Variants in VPS13D observed in about 807,000 individuals in gnomAD.
The protein encoded by VPS13D is intermembrane lipid transfer protein VPS13D.
In VPS13D, 187 loss-of-function variants were observed where a neutral mutation model predicts 461.9. The observed-to-expected ratio is 0.40, with a 90% confidence interval of 0.36 to 0.46. The LOEUF is 0.46. Ranked by LOEUF, VPS13D falls within the 20% of genes least tolerant of loss-of-function variation. The pLI is 0.60. For synonymous variants in VPS13D, 1,951 were observed against 1,986.3 expected (o/e 0.98, Z 0.47); for missense variants, 4,711 against 5,364.9 (o/e 0.88, Z 3.81).
rs547110216 is a variant in VPS13D, at chr1:12,494,811, T to A, written c.12663-2689T>A. On this transcript the variant is annotated intron_variant, in intron 67 of 69. Transcript: ENST00000620676. ...AGATGGGGTTCTAGCTGCTTCATAT[T>A]TTGCCTCAATGTTGATTTTGCTTTC... 3.3e-5 allele frequency among the ~76,000 whole-genome samples: 5 copies of A among 152,326 alleles called. No individual in the cohort carries two copies. The East Asian group carries it at 9.7e-4, about 29-fold the overall frequency.
chr1:12,345,150 C>A, intron 42 of VPS13D: 2 of 455,974 alleles, frequency 4.4e-6, no homozygotes, highest in East Asian at 6.5e-5. Flanking sequence ...AGGATAAATG[C>A]CACTCTTACT....
chr1:12,333,406 G>A lies in VPS13D; in HGVS notation c.8428+40G>A, dbSNP rs748843846. ...GTCTTTCATAGACTGATACCTTTCC[G>A]TACCTAAGTTCTGAGTCTGGAAGAC... On this transcript the variant is annotated intron_variant, in intron 38 of 69. Transcript: ENST00000620676. 2.5e-6 allele frequency: 4 copies of A among 1,606,924 alleles called. No individual in the cohort carries two copies. In the African/African-American group the frequency reaches 5.4e-5, roughly 22 times the overall value.
rs535165782 is a variant in VPS13D at position 12,314,380 on chromosome 1, G to A, written c.7148+53G>A. On this transcript the variant is annotated intron_variant, in intron 30 of 69. Coordinates refer to ENST00000620676, the MANE Select transcript of VPS13D (RefSeq NM_015378.4). Reference sequence around the variant, plus strand: ...TTCTTTGTGGAGACATTCCCTTTTGGGTCACGTCTTTGTTGGCTTTAGAAC... The same window carrying A: ...TTCTTTGTGGAGACATTCCCTTTTGAGTCACGTCTTTGTTGGCTTTAGAAC... 190 of 1,568,124 alleles carry A rather than the reference G, an allele frequency of 1.2e-4. 1 individual carries two copies. In the South Asian group the frequency reaches 2.0e-3, roughly 17 times the overall value.
chr1:12,326,068 C>T (rs2101540646), intron 35 of VPS13D, among the ~76,000 whole-genome samples: 1 of 148,086 alleles, frequency 6.8e-6, no homozygotes, highest in Non-Finnish European at 1.5e-5. Context: ...CTGGGTTATT[C>T]CAGCCAATTT....
chr1:12,429,290 CT>C (rs796827900), intron 65 of VPS13D, among the ~76,000 whole-genome samples: 20 of 147,244 alleles, frequency 1.4e-4, no homozygotes, highest in Middle Eastern at 3.5e-3. Flanking sequence ...ACAAACAAAC[CT>C]TTTTTTTTTT....
At chr1:12,448,162 G>A (rs74899782) in intron 65 of VPS13D, among the ~76,000 whole-genome samples, 3,895 of 152,236 alleles carry the variant, frequency 0.026, 63 homozygotes, top group Non-Finnish European at 0.037. Context: ...TTTTGCTCAT[G>A]TTCACCCAGC....
At chr1:12,455,935 A>C in intron 65 of VPS13D, 63 bp from the exon 66 acceptor site, 1 of 1,525,200 alleles carries the variant, frequency 6.6e-7, no homozygotes, top group Non-Finnish European at 8.8e-7. Flanking sequence ...ATTTAAAGTA[A>C]TTCAAATAGT....
At chr1:12,408,775 T>A (rs1049646202) in intron 63 of VPS13D, among the ~76,000 whole-genome samples, 1 of 152,214 alleles carries the variant, frequency 6.6e-6, no homozygotes, top group African/African-American at 2.4e-5. Context: ...AGCCTTATCT[T>A]TGTAGCATCC....
chr1:12,246,037 T>C (rs994605927), intron 5 of VPS13D, among the ~76,000 whole-genome samples: 3 of 152,244 alleles, frequency 2.0e-5, no homozygotes, highest in Non-Finnish European at 4.4e-5. Flanking sequence ...ACTCTGTAAC[T>C]ACTGACAGTA....
At position 12,318,047 on chromosome 1, in the gene VPS13D, A is replaced by T. The variant is rs776775630; in HGVS notation, c.7149-25A>T. ...TAACCATGTTTCTTTTTTCCTATTT[A>T]TTTTCTCCTGTCTTCTTTTTATAGA... On this transcript the variant is annotated intron_variant, in intron 30 of 69. Transcript: ENST00000620676. The T allele has an allele frequency of 1.1e-5, 17 of 1,579,064 alleles. No individual in the cohort carries two copies. In the Admixed American group the frequency reaches 1.1e-4, roughly 10 times the overall value.
chr1:12,234,506 T>C (rs1461127138), intron 2 of VPS13D, 143 bp downstream of exon 2: 1 of 547,102 alleles, frequency 1.8e-6, no homozygotes, highest in Admixed American at 3.3e-5. Context: ...ATCATCCTGA[T>C]GATTTTTCCA....
At chr1:12,439,015 T>G (rs1361874786) in intron 65 of VPS13D, among the ~76,000 whole-genome samples, 1 of 152,116 alleles carries the variant, frequency 6.6e-6, no homozygotes, top group African/African-American at 2.4e-5. Flanking sequence ...TTGGCCTGGT[T>G]TTTATTGTAG....
At chr1:12,387,004 ACT>A (rs2101656444) in intron 60 of VPS13D, among the ~76,000 whole-genome samples, 1 of 151,890 alleles carries the variant, frequency 6.6e-6, no homozygotes, top group South Asian at 2.1e-4. Flanking sequence ...GCACAGAAAA[ACT>A]CTGAAGATCT....
rs1640077758 is a variant in VPS13D at position 12,234,305 on chromosome 1, T to C, written c.39T>C (p.Tyr13=). 6.2e-7 allele frequency: 1 copy of C among 1,613,982 alleles called. No homozygotes were observed. The highest frequency in any genetic ancestry group is 1.3e-5 in the African/African-American group (1 of 74,938). The change falls in exon 2 of 70, where the codon TAT becomes TAC. Residue 13 remains tyrosine, a synonymous_variant. Coordinates refer to ENST00000620676, the MANE Select transcript of VPS13D (RefSeq NM_015378.4). Reference sequence around the variant, plus strand: ...TTGTAGCCTGGGTTCTCAATACCTATTTGGGAAAATATGTCAATAACCTGA... The same window carrying C: ...TTGTAGCCTGGGTTCTCAATACCTACTTGGGAAAATATGTCAATAACCTGA... The part of the protein sequence containing the change: ...EGLVAWVLNT[Y]LGKYVNNLNT...
At chr1:12,405,440 T>C (rs568655235) in intron 63 of VPS13D, among the ~76,000 whole-genome samples, 1 of 152,234 alleles carries the variant, frequency 6.6e-6, no homozygotes, top group African/African-American at 2.4e-5. Flanking sequence ...AGTAGTCTGG[T>C]CAACATCAGA....
chr1:12,308,703 G>A (rs1642642936), intron 27 of VPS13D, 62 bp downstream of exon 27: 1 of 1,525,704 alleles, frequency 6.6e-7, no homozygotes. Flanking sequence ...AGGGTGGAGT[G>A]CAGTGGCGCA....
rs1306952263 is a variant in VPS13D, at chr1:12,507,249, CA to C, written c.13035+157del. The C allele has an allele frequency of 1.5e-6, 2 of 1,365,566 alleles. No individual in the cohort carries two copies. Among genetic ancestry groups the C allele is most frequent in the Non-Finnish European group, 2.1e-6 (2 of 967,168 alleles). The allele number at this position is 1,365,566 out of a possible 1,614,324, so 84.6% of individuals were successfully genotyped here. ...CTCAGTCCTGAACATGGGAGGGGCC[CA>C]GGGTATGTTCACGGGGCGATGCTGC... is the stretch of plus-strand genomic sequence containing the variant. On this transcript the variant is annotated intron_variant, in intron 69 of 69. Transcript: ENST00000620676. This position sits in a 1 kb window ranked among gnomAD's most constrained non-coding sequence, Gnocchi z 5.3.
Position 12,433,931 on chromosome 1 carries a change from T to TGAGAGAGAGAGAGAGAGAGA in VPS13D, c.12333+17123_12333+17124insAGAGAGAGAGAGAGAGAGAG, listed in dbSNP as rs374176072. ...GTAGGGGGTGGGGAGAGAGAGAGAG[T>TGAGAGAGAGAGAGAGAGAGA]GAGAGAGAGAGAGAGAGAGTGTGTG... On this transcript the variant is annotated intron_variant, in intron 65 of 69. Transcript: ENST00000620676. Among the ~76,000 whole-genome samples the TGAGAGAGAGAGAGAGAGAGA allele has an allele frequency of 3.4e-3, 434 of 126,262 alleles. 2 individuals carry two copies. Among genetic ancestry groups the TGAGAGAGAGAGAGAGAGAGA allele is most frequent in the African/African-American group, 0.012 (410 of 33,024 alleles). 82.8% of individuals were successfully genotyped at this position (126,262 alleles called of 152,430 possible). A position where few individuals can be genotyped will look rare whatever the true frequency, so the allele number is the denominator to read the frequency against.
chr1:12,231,199 G>C (rs1296228127), intron 1 of VPS13D, among the ~76,000 whole-genome samples: 1 of 152,208 alleles, frequency 6.6e-6, no homozygotes, highest in African/African-American at 2.4e-5. Context: ...GAGCCCAGGT[G>C]GGGGTTAGTG....
Sources: gnomAD v4.1 joint callset for allele counts (sites outside exome capture counted in the v4.1 genomes callset) on GRCh38, gnomAD v4.1.1 for gene constraint, Gnocchi (gnomAD v3.1) non-coding constraint, MANE v1.5 for transcripts, NCBI Gene and HGNC (gene_info 2026-07-23, HGNC 2026-07-21) for gene names.